Variants in NCAM2 observed in about 807,000 individuals in gnomAD.
The protein encoded by NCAM2 is N-CAM-2.
Under a neutral mutation model 98.1 loss-of-function variants are expected in NCAM2, and 30 were observed. That is an observed-to-expected ratio of 0.31 (90% CI 0.23 to 0.41). The LOEUF is 0.41. NCAM2 is among the 10% of genes least tolerant of loss of function. The probability of loss-of-function intolerance (pLI) is 1.00; values close to 1 mark genes in which losing one functional copy is unlikely to be tolerated. For synonymous variants in NCAM2, 368 were observed against 342.4 expected, an observed-to-expected ratio of 1.07 and a Z score of -0.83; for missense variants, 867 against 1,005.8, an observed-to-expected ratio of 0.86 and a Z score of 1.87.
chr21:21,520,321 A>G (rs1018176561), intron 16 of NCAM2, among the ~76,000 whole-genome samples: 1 of 152,156 alleles, frequency 6.6e-6, no homozygotes, highest in African/African-American at 2.4e-5. Flanking sequence ...GTTATGTAAA[A>G]TAAATAATTT....
intron 11 of NCAM2, 85 bp downstream of exon 11, chr21:21,418,654 T>G: frequency 1.0e-6 from 1 of 971,952 alleles, no homozygotes. Flanking sequence ...TGGTCTCATT[T>G]ACATGTGGGA....
intron 3 of NCAM2, among the ~76,000 whole-genome samples, chr21:21,285,366 C>T (rs9981148): frequency 0.76 from 115,787 of 151,676 alleles, 44,362 homozygotes; most frequent in South Asian, 0.85. Context: ...TGATGACCAA[C>T]GCAATTTGTG....
intron 1 of NCAM2, among the ~76,000 whole-genome samples, chr21:21,129,602 G>A (rs919264218): frequency 6.6e-6 from 1 of 152,128 alleles, no homozygotes; most frequent in African/African-American, 2.4e-5. Context: ...AGCGTCTGGT[G>A]AGGGCTGGCG....
intron 11 of NCAM2, among the ~76,000 whole-genome samples, chr21:21,425,430 G>T (rs142050652): frequency 6.6e-6 from 1 of 152,194 alleles, no homozygotes; most frequent in Non-Finnish European, 1.5e-5. Context: ...ATTTGCTTAT[G>T]ACCCATTGTT....
At chr21:21,135,926 T>A (rs1044594742) in intron 1 of NCAM2, among the ~76,000 whole-genome samples, 1 of 137,122 alleles carries the variant, frequency 7.3e-6, no homozygotes, top group Non-Finnish European at 1.6e-5. Flanking sequence ...CCTAAGTCAG[T>A]GTCCCATGTA....
chr21:21,342,917 C>A (rs1269291752), intron 8 of NCAM2, among the ~76,000 whole-genome samples: 3 of 152,154 alleles, frequency 2.0e-5, no homozygotes, highest in Non-Finnish European at 4.4e-5. Flanking sequence ...CAAGGTCACA[C>A]AGGGAGTAAG....
At chr21:21,403,226 A>G (rs1173296556) in intron 9 of NCAM2, among the ~76,000 whole-genome samples, 1 of 152,150 alleles carries the variant, frequency 6.6e-6, no homozygotes, top group African/African-American at 2.4e-5. Flanking sequence ...TGCCTGGGAC[A>G]TTTTAACTGC....
chr21:21,296,427 GA>G (rs1400385639), intron 5 of NCAM2, among the ~76,000 whole-genome samples: 1 of 105,770 alleles, frequency 9.5e-6, no homozygotes, highest in Non-Finnish European at 2.3e-5. Context: ...CATAAGTTGT[GA>G]AAAAATCCAA....
chr21:21,381,086 C>T (rs945392583), intron 9 of NCAM2, among the ~76,000 whole-genome samples: 1 of 152,194 alleles, frequency 6.6e-6, no homozygotes, highest in Non-Finnish European at 1.5e-5. Flanking sequence ...ATATTGCTTT[C>T]TCATTGACTG....
intron 1 of NCAM2, among the ~76,000 whole-genome samples, chr21:21,185,535 A>G (rs1300696230): frequency 3.9e-5 from 6 of 152,156 alleles, no homozygotes; most frequent in African/African-American, 1.4e-4. Flanking sequence ...ATAATTATCA[A>G]CATTTATTAT....
intron 10 of NCAM2, among the ~76,000 whole-genome samples, chr21:21,411,479 T>C (rs2076886714): frequency 6.6e-6 from 1 of 151,954 alleles, no homozygotes; most frequent in Non-Finnish European, 1.5e-5. Flanking sequence ...TAATTATTTT[T>C]ATATTGCCAA....
intron 1 of NCAM2, among the ~76,000 whole-genome samples, chr21:21,074,276 AAAAT>A (rs1366621603): frequency 6.6e-6 from 1 of 152,046 alleles, no homozygotes; most frequent in Non-Finnish European, 1.5e-5. Flanking sequence ...TGATGAATAT[AAAAT>A]AAATTTTACA....
chr21:21,105,789 T>C (rs1232956715), intron 1 of NCAM2, among the ~76,000 whole-genome samples: 1 of 152,144 alleles, frequency 6.6e-6, no homozygotes, highest in Non-Finnish European at 1.5e-5. Flanking sequence ...TACGCTTTCT[T>C]CTAGGGAGTG....
At chr21:21,507,589 C>G (rs557679241) in intron 15 of NCAM2, among the ~76,000 whole-genome samples, 72 of 151,976 alleles carry the variant, frequency 4.7e-4, no homozygotes, top group African/African-American at 1.6e-3. Context: ...GTCAGGAGAT[C>G]GAGACCATCC....
intron 16 of NCAM2, among the ~76,000 whole-genome samples, chr21:21,525,954 T>C (rs988794884): frequency 2.0e-5 from 3 of 152,008 alleles, no homozygotes; most frequent in Non-Finnish European, 2.9e-5. Context: ...TTGATACCCA[T>C]TCATAATAAA....
At chr21:21,250,313 C>T (rs75371290) in intron 1 of NCAM2, among the ~76,000 whole-genome samples, 2,120 of 152,212 alleles carry the variant, frequency 0.014, 43 homozygotes, top group African/African-American at 0.049. Flanking sequence ...TAGGGAGGTG[C>T]GTACTTTACC....
chr21:21,060,404 A>G (rs1228304344), intron 1 of NCAM2, among the ~76,000 whole-genome samples: 2 of 152,128 alleles, frequency 1.3e-5, no homozygotes, highest in Non-Finnish European at 2.9e-5. Flanking sequence ...AGATTCTGGT[A>G]GATATTTTTT....
intron 1 of NCAM2, among the ~76,000 whole-genome samples, chr21:21,081,583 AT>A (rs1363667887): frequency 6.6e-6 from 1 of 151,734 alleles, no homozygotes; most frequent in Non-Finnish European, 1.5e-5. Context: ...AACAGATCAC[AT>A]TAGGTCCGGA....
At position 21,335,495 on chromosome 21, in the gene NCAM2, T is replaced by C. The variant is rs1214904069; in HGVS notation, c.738-10T>C. ...GATCTGTGAGGATGAACCTCTTTTT[T>C]CTTCTTTAGGAATGGCAAGCTCATT... On this transcript the variant is annotated splice_polypyrimidine_tract_variant and intron_variant, in intron 6 of 17. Coordinates refer to ENST00000400546, the MANE Select transcript of NCAM2 (RefSeq NM_004540.5). 1 of 1,577,626 alleles carries C rather than the reference T, an allele frequency of 6.3e-7. No homozygotes were observed. The highest frequency in any genetic ancestry group is 1.9e-5 in the Admixed American group (1 of 52,102).
Sources: gnomAD v4.1 joint callset for allele counts (sites outside exome capture counted in the v4.1 genomes callset) on GRCh38, gnomAD v4.1.1 for gene constraint, MANE v1.5 for transcripts, NCBI Gene and HGNC (gene_info 2026-07-23, HGNC 2026-07-21) for gene names.